METTL3: variants seen among roughly 807,000 people sequenced by gnomAD.
The protein encoded by METTL3 is methyltransferase 3, N6-adenosine-methyltransferase complex catalytic subunit, also known as N(6)-adenosine-methyltransferase catalytic subunit METTL3.
Under a neutral mutation model 64.3 loss-of-function variants are expected in METTL3, and 42 were observed. The observed-to-expected ratio is 0.65, with a 90% CI of 0.51 to 0.84. The LOEUF (loss-of-function observed/expected upper bound fraction) is 0.84, where lower values mean the gene tolerates loss of function less well. Ranked by LOEUF, METTL3 falls within the 40% of genes least tolerant of loss-of-function variation. The probability of loss-of-function intolerance (pLI) is 0.00; values close to 1 mark genes in which losing one functional copy is unlikely to be tolerated. For synonymous variants in METTL3, 256 were observed against 263.6 expected (o/e 0.97, Z 0.28); for missense variants, 435 against 722.3 (o/e 0.60, Z 4.56).
intron 1 of METTL3, chr14:21,507,995 C>G (rs1566496422): frequency 6.6e-6 from 1 of 152,112 alleles, no homozygotes; most frequent in East Asian, 1.9e-4. Context: ...GGGATTACAT[C>G]TGTAATCCCA....
rs114624357 is a variant in METTL3 at position 21,505,945 on chromosome 14, G to A, written c.101-2064C>T. On this transcript the variant is annotated intron_variant, in intron 1 of 10. Transcript: ENST00000298717. ...TTACAAATTTGCTGAATCCTTAAAC[G>A]TGTCAACATCTATATGCACATCTTC... 4.0e-3 allele frequency among the ~76,000 whole-genome samples: 610 copies of A among 152,214 alleles called. 6 individuals are homozygous for A. The highest frequency in any genetic ancestry group is 0.014 in the African/African-American group (596 of 41,530).
At chr14:21,508,855 T>C (rs890293296) in intron 1 of METTL3, among the ~76,000 whole-genome samples, 1 of 152,118 alleles carries the variant, frequency 6.6e-6, no homozygotes, top group African/African-American at 2.4e-5. Context: ...GATCGCGCCA[T>C]TGCACTCTGG....
Position 21,499,747 on chromosome 14 carries a change from A to C in METTL3, c.1343+17T>G. On this transcript the variant is annotated intron_variant, in intron 7 of 10. Coordinates refer to ENST00000298717, the MANE Select transcript of METTL3 (RefSeq NM_019852.5). ...ACAGTATTACCCTCAAAAGAAAGCA[A>C]CACAACCACTACTTACCCCCAGAGG... The C allele has an allele frequency of 1.2e-6, 2 of 1,611,728 alleles. No homozygotes were observed. Among genetic ancestry groups the C allele is most frequent in the Non-Finnish European group, 1.7e-6 (2 of 1,177,926 alleles).
intron 3 of METTL3, 109 bp from the exon 4 acceptor site, chr14:21,502,012 C>CT (rs75402343): frequency 0.034 from 15,347 of 452,956 alleles, 10 homozygotes; most frequent in East Asian, 0.039. Flanking sequence ...GATAAATCAA[C>CT]TTTTTTTTTT....
intron 1 of METTL3, among the ~76,000 whole-genome samples, chr14:21,509,151 G>A (rs1891770037): frequency 6.6e-6 from 1 of 152,028 alleles, no homozygotes; most frequent in African/African-American, 2.4e-5. Context: ...ATCAGCCTGG[G>A]CAACATGGTG....
intron 4 of METTL3, 66 bp downstream of exon 4, chr14:21,501,662 G>A: frequency 6.3e-7 from 1 of 1,596,774 alleles, no homozygotes; most frequent in Non-Finnish European, 8.6e-7. Flanking sequence ...ATGACTGGAA[G>A]GAATATGCTG....
chr14:21,499,419 C>G (rs1891499279), intron 8 of METTL3, 48 bp from the exon 9 acceptor site: 8 of 1,612,586 alleles, frequency 5.0e-6, no homozygotes, highest in Non-Finnish European at 6.8e-6. Flanking sequence ...CACCTTTGAA[C>G]TTTTTCTCAG....
At chr14:21,502,996 T>C (rs1891606534) in intron 3 of METTL3, 177 bp downstream of exon 3, 2 of 664,068 alleles carry the variant, frequency 3.0e-6, no homozygotes, top group South Asian at 2.0e-5. Flanking sequence ...CACTCCCCCA[T>C]GTGTGACAAT....
intron 10 of METTL3, chr14:21,498,711 A>C (rs1348778176): frequency 2.2e-6 from 1 of 462,996 alleles, no homozygotes; most frequent in Non-Finnish European, 3.9e-6. Flanking sequence ...GTAATTATTG[A>C]CAGATTAAAT....
At chr14:21,506,369 C>T (rs549353230) in intron 1 of METTL3, among the ~76,000 whole-genome samples, 89 of 151,854 alleles carry the variant, frequency 5.9e-4, no homozygotes, top group African/African-American at 2.1e-3. Context: ...CTGGCTAACA[C>T]GGTGAAACCC....
At chr14:21,502,016 T>A in intron 3 of METTL3, 113 bp from the exon 4 acceptor site, 1 of 747,550 alleles carries the variant, frequency 1.3e-6, no homozygotes, top group Non-Finnish European at 2.0e-6. Flanking sequence ...AATCAACTTT[T>A]TTTTTTTTTT....
chr14:21,511,282 C>A lies in METTL3; in HGVS notation c.-59G>T. 1.3e-6 allele frequency: 2 copies of A among 1,570,850 alleles called. No individual in the cohort carries two copies. The highest frequency in any genetic ancestry group is 2.4e-5 in the East Asian group (1 of 42,074). On this transcript the variant is annotated 5_prime_UTR_variant, in exon 1 of 11. Coordinates refer to ENST00000298717, the MANE Select transcript of METTL3 (RefSeq NM_019852.5). ...GGCGCGGCGGACTAGCACCTCCCAG[C>A]ACTCGCTCCAGGATATAGCCAATTC...
In METTL3 at chr14:21,499,213, T is replaced by G. The variant is rs1035293803; in HGVS notation, c.1519-76A>C. The G allele has an allele frequency of 1.4e-5, 22 of 1,585,222 alleles. 1 individual carries two copies. Among genetic ancestry groups the G allele is most frequent in the Non-Finnish European group, 1.4e-5 (16 of 1,154,204 alleles). Reference sequence around the variant, plus strand: ...AGCCCTTTCTATTATGTTTATGATCTAAATGAGAAAAATCTGGGATGAGAA... The same window carrying G: ...AGCCCTTTCTATTATGTTTATGATCGAAATGAGAAAAATCTGGGATGAGAA... On this transcript the variant is annotated intron_variant, in intron 9 of 10. Coordinates refer to ENST00000298717, the MANE Select transcript of METTL3 (RefSeq NM_019852.5).
At chr14:21,509,978 A>G (rs1158059670) in intron 1 of METTL3, among the ~76,000 whole-genome samples, 1 of 152,300 alleles carries the variant, frequency 6.6e-6, no homozygotes, top group African/African-American at 2.4e-5. Flanking sequence ...TAGGTCCTAT[A>G]TAGCCATAAA....
intron 1 of METTL3, among the ~76,000 whole-genome samples, chr14:21,507,409 C>G (rs1230942142): frequency 6.6e-6 from 1 of 152,066 alleles, no homozygotes; most frequent in African/African-American, 2.4e-5. Context: ...CCTGTAATCC[C>G]AGCAATTTGA....
At chr14:21,509,174 C>T (rs1263800) in intron 1 of METTL3, among the ~76,000 whole-genome samples, 95,324 of 151,706 alleles carry the variant, frequency 0.63, 30,035 homozygotes, top group East Asian at 0.7. Flanking sequence ...ACCCCTTCTC[C>T]ACCAAAAATA....
At chr14:21,498,664 C>T (rs1891473576) in intron 10 of METTL3, 2 of 493,132 alleles carry the variant, frequency 4.1e-6, no homozygotes, top group Non-Finnish European at 7.2e-6. Flanking sequence ...AAAATGCTAG[C>T]AGCATGTGTT....
At chr14:21,510,179 CAG>C (rs1222393807) in intron 1 of METTL3, among the ~76,000 whole-genome samples, 2 of 152,178 alleles carry the variant, frequency 1.3e-5, no homozygotes, top group Non-Finnish European at 2.9e-5. Context: ...TTCTTGAGGA[CAG>C]GGGCAATTTC....
intron 6 of METTL3, 85 bp downstream of exon 6, chr14:21,500,410 C>A: frequency 7.3e-7 from 1 of 1,363,126 alleles, no homozygotes; most frequent in Admixed American, 1.8e-5. Context: ...AATAGTGGGG[C>A]TAGGAAAACC....
Sources: gnomAD v4.1 joint callset for allele counts (sites outside exome capture counted in the v4.1 genomes callset) on GRCh38, gnomAD v4.1.1 for gene constraint, MANE v1.5 for transcripts, NCBI Gene and HGNC (gene_info 2026-07-23, HGNC 2026-07-21) for gene names.